Variants in SLC9A9 observed in about 807,000 individuals in gnomAD.
SLC9A9 encodes the protein solute carrier family 9 member A9.
In SLC9A9, 62 loss-of-function variants were observed where a neutral mutation model predicts 77.8. The ratio of observed to expected loss-of-function variants is 0.80; its 90% confidence interval spans 0.65 to 0.98. The LOEUF is 0.98. Among genes scored for constraint, SLC9A9 ranks in the 50% least tolerant of loss-of-function variants. The pLI is 0.00. For synonymous variants in SLC9A9, 320 were observed against 283.5 expected, an observed-to-expected ratio of 1.13 and a Z score of -1.29; for missense variants, 775 against 774.9, an observed-to-expected ratio of 1.00 and a Z score of 0.00.
chr3:143,583,186 A>T (rs1050734990), intron 6 of SLC9A9, among the ~76,000 whole-genome samples: 5 of 151,954 alleles, frequency 3.3e-5, no homozygotes, highest in African/African-American at 9.7e-5. Flanking sequence ...ATAAATTAAA[A>T]TTTAAAAATA....
chr3:143,607,874 T>C (rs1348031417), intron 6 of SLC9A9, among the ~76,000 whole-genome samples: 1 of 151,990 alleles, frequency 6.6e-6, no homozygotes, highest in Non-Finnish European at 1.5e-5. Flanking sequence ...TTAAATGTGT[T>C]ATGTTTTATA....
At chr3:143,296,839 A>G (rs2030292292) in intron 14 of SLC9A9, among the ~76,000 whole-genome samples, 1 of 152,172 alleles carries the variant, frequency 6.6e-6, no homozygotes, top group Non-Finnish European at 1.5e-5. Context: ...TCTTCTTCAG[A>G]GAAATATCAA....
chr3:143,587,665 G>A (rs949298757), intron 6 of SLC9A9, among the ~76,000 whole-genome samples: 1 of 152,252 alleles, frequency 6.6e-6, no homozygotes, highest in African/African-American at 2.4e-5. Flanking sequence ...GGCACTGGAG[G>A]GTTGGGGTAG....
At chr3:143,453,603 A>G (rs1438288253) in intron 12 of SLC9A9, among the ~76,000 whole-genome samples, 1 of 152,200 alleles carries the variant, frequency 6.6e-6, no homozygotes, top group African/African-American at 2.4e-5. Context: ...TGCTCTCTCT[A>G]TATAAATAAT....
intron 8 of SLC9A9, among the ~76,000 whole-genome samples, chr3:143,572,064 T>G (rs2037267289): frequency 6.6e-6 from 1 of 152,290 alleles, no homozygotes; most frequent in South Asian, 2.1e-4. Context: ...TTACTGGGGT[T>G]CACACCCATA....
At chr3:143,743,808 T>C (rs986937623) in intron 4 of SLC9A9, among the ~76,000 whole-genome samples, 2 of 152,254 alleles carry the variant, frequency 1.3e-5, no homozygotes, top group Non-Finnish European at 2.9e-5. Context: ...GTGATTGCTA[T>C]GTGCTAGTTG....
intron 9 of SLC9A9, among the ~76,000 whole-genome samples, chr3:143,541,283 C>A (rs1208625442): frequency 1.3e-5 from 2 of 152,176 alleles, no homozygotes; most frequent in Non-Finnish European, 1.5e-5. Context: ...CGAGGACACC[C>A]AAGCAGCCCG....
At chr3:143,311,739 C>T (rs766018171) in intron 14 of SLC9A9, among the ~76,000 whole-genome samples, 3 of 152,056 alleles carry the variant, frequency 2.0e-5, no homozygotes, top group Non-Finnish European at 2.9e-5. Context: ...GTGACAAGGG[C>T]GGGGAGAAGA....
At chr3:143,287,360 T>A (rs535880378) in intron 14 of SLC9A9, among the ~76,000 whole-genome samples, 2 of 152,166 alleles carry the variant, frequency 1.3e-5, no homozygotes, top group East Asian at 3.9e-4. Context: ...TAGTCTATTA[T>A]GGGGTAGACA....
At chr3:143,341,770 T>C (rs1042774039) in intron 14 of SLC9A9, among the ~76,000 whole-genome samples, 1 of 152,216 alleles carries the variant, frequency 6.6e-6, no homozygotes, top group Non-Finnish European at 1.5e-5. Flanking sequence ...ATTGTAATAC[T>C]TAATATTATG....
intron 12 of SLC9A9, among the ~76,000 whole-genome samples, chr3:143,390,370 T>C (rs999510106): frequency 1.1e-4 from 17 of 152,186 alleles, no homozygotes; most frequent in African/African-American, 3.9e-4. Flanking sequence ...TGTGTGACTA[T>C]GGGCAGGAAA....
intron 4 of SLC9A9, among the ~76,000 whole-genome samples, chr3:143,737,544 T>C (rs1934971106): frequency 6.6e-6 from 1 of 151,866 alleles, no homozygotes; most frequent in Non-Finnish European, 1.5e-5. Context: ...ACTGTCCTGA[T>C]AATACGTGTT....
In SLC9A9 at chr3:143,679,647, C is replaced by T. The variant is rs563309546; in HGVS notation, c.649+13545G>A. ...TCACTACCCTGGGTTAGTGGGATGACGGCAAATGAAAATGATAACTGTAGT... is the reference window on the plus strand; with the variant it reads ...TCACTACCCTGGGTTAGTGGGATGATGGCAAATGAAAATGATAACTGTAGT... On this transcript the variant is annotated intron_variant, in intron 5 of 15. Transcript: ENST00000316549. Among the ~76,000 whole-genome samples the T allele has an allele frequency of 1.9e-3, 291 of 152,190 alleles. 1 individual carries two copies. The highest frequency in any genetic ancestry group is 3.0e-3 in the Non-Finnish European group (201 of 68,022).
intron 4 of SLC9A9, among the ~76,000 whole-genome samples, chr3:143,745,287 C>A (rs1935175350): frequency 6.6e-6 from 1 of 152,086 alleles, no homozygotes; most frequent in Admixed American, 6.5e-5. Flanking sequence ...TCTCTGATTG[C>A]AAAGCACTTG....
intron 5 of SLC9A9, among the ~76,000 whole-genome samples, chr3:143,683,198 C>T (rs1933157896): frequency 6.6e-6 from 1 of 152,116 alleles, no homozygotes; most frequent in Non-Finnish European, 1.5e-5. Flanking sequence ...GCAGCTTAAA[C>T]TAAAAGTGAT....
intron 1 of SLC9A9, among the ~76,000 whole-genome samples, chr3:143,841,953 T>C (rs1232332884): frequency 2.6e-5 from 4 of 152,156 alleles, no homozygotes; most frequent in African/African-American, 9.6e-5. Flanking sequence ...CAGAGTTTCA[T>C]CATGTTGGTC....
At chr3:143,295,761 CTT>C (rs2030238148) in intron 14 of SLC9A9, among the ~76,000 whole-genome samples, 3 of 152,184 alleles carry the variant, frequency 2.0e-5, no homozygotes, top group African/African-American at 7.2e-5. Flanking sequence ...GGCTGAGTGA[CTT>C]TTAATTGTGC....
intron 5 of SLC9A9, among the ~76,000 whole-genome samples, chr3:143,658,714 C>CT (rs1296058284): frequency 3.3e-5 from 5 of 152,050 alleles, no homozygotes; most frequent in Non-Finnish European, 5.9e-5. Context: ...AATCAATTGC[C>CT]TTTTTTTGAT....
chr3:143,552,617 G>C (rs2036913136), intron 8 of SLC9A9, among the ~76,000 whole-genome samples, 167 bp from the exon 9 acceptor site: 1 of 152,064 alleles, frequency 6.6e-6, no homozygotes, highest in African/African-American at 2.4e-5. Flanking sequence ...CTTTAAACAG[G>C]GTTTAAACAG....
Sources: allele counts gnomAD v4.1 joint callset (sites outside exome capture counted in the v4.1 genomes callset), GRCh38; gene constraint gnomAD v4.1.1; transcripts MANE v1.5; gene names NCBI Gene and HGNC (gene_info 2026-07-23, HGNC 2026-07-21).